The following UBE2F variants were observed in gnomAD, a reference collection of about 807,000 sequenced individuals.
The protein encoded by UBE2F is ubiquitin conjugating enzyme E2 F (putative).
Under a neutral mutation model 29.6 loss-of-function variants are expected in UBE2F, and 5 were observed. That is an observed-to-expected ratio of 0.17 (90% CI 0.09 to 0.36). The LOEUF (loss-of-function observed/expected upper bound fraction) is 0.36. UBE2F is among the 10% of genes least tolerant of loss of function. UBE2F has a pLI of 1.00. For missense variants in UBE2F, 141 were observed against 228.5 expected, an observed-to-expected ratio of 0.62 and a Z score of 2.47; for synonymous variants, 66 against 81.8, an observed-to-expected ratio of 0.81 and a Z score of 1.04.
At chr2:237,980,493 A>G (rs951531324) in intron 2 of UBE2F, among the ~76,000 whole-genome samples, 1 of 152,082 alleles carries the variant, frequency 6.6e-6, no homozygotes, top group Non-Finnish European at 1.5e-5. Context: ...AAATAACAGC[A>G]TGAATCCCAT....
chr2:238,016,740 A>G (rs914970543), intron 5 of UBE2F, 107 bp downstream of exon 5: 5 of 850,286 alleles, frequency 5.9e-6, no homozygotes, highest in African/African-American at 5.1e-5. Context: ...GCGTGTGTCC[A>G]TGTGTGACTG....
intron 2 of UBE2F, among the ~76,000 whole-genome samples, chr2:237,985,456 A>G (rs887704661): frequency 6.6e-6 from 1 of 151,870 alleles, no homozygotes; most frequent in Non-Finnish European, 1.5e-5. Context: ...ATCATGTAGT[A>G]TTTGTCTTTG....
chr2:238,015,742 T>C (rs1181338514), intron 4 of UBE2F, among the ~76,000 whole-genome samples: 1 of 152,222 alleles, frequency 6.6e-6, no homozygotes, highest in Non-Finnish European at 1.5e-5. Context: ...AATTTTAAAA[T>C]GGTGCTAATT....
chr2:237,994,674 C>G, intron 3 of UBE2F, 70 bp from the exon 4 acceptor site: 3 of 1,289,308 alleles, frequency 2.3e-6, no homozygotes, highest in South Asian at 2.4e-5. Context: ...TACACGTGTT[C>G]AAAGGTTAGC....
chr2:238,021,515 A>G (rs887509726), intron 5 of UBE2F, among the ~76,000 whole-genome samples: 5 of 152,236 alleles, frequency 3.3e-5, no homozygotes, highest in South Asian at 2.1e-4. Flanking sequence ...ATAGTCTGGT[A>G]ACTTGGGGCT....
chr2:237,992,571 T>C (rs2063611689), intron 3 of UBE2F, among the ~76,000 whole-genome samples: 1 of 152,212 alleles, frequency 6.6e-6, no homozygotes, highest in East Asian at 1.9e-4. Context: ...TCCTGTGTTA[T>C]TTGCTGCTTG....
rs2064075839 is a variant in UBE2F at position 238,013,075 on chromosome 2, G to C, written c.215-3491G>C. ...GCAGATCGCTTGTGGTCAGGAGTTT[G>C]AGACCAGCGTGGGCAGCATGGTGAG... On this transcript the variant is annotated intron_variant, in intron 4 of 9. Transcript: ENST00000272930. Among the ~76,000 whole-genome samples, 3 of 152,122 alleles carry C rather than the reference G, an allele frequency of 2.0e-5. No individual in the cohort carries two copies. In the South Asian group the frequency reaches 6.2e-4, roughly 32 times the overall value.
chr2:238,019,076 C>G (rs538007591), intron 5 of UBE2F, among the ~76,000 whole-genome samples: 1 of 152,244 alleles, frequency 6.6e-6, no homozygotes, highest in Admixed American at 6.5e-5. Flanking sequence ...TCCCCAGCCC[C>G]CCTCTCCCCT....
intron 6 of UBE2F, chr2:238,029,062 A>G (rs1454202684): frequency 1.3e-5 from 2 of 152,092 alleles, no homozygotes; most frequent in Non-Finnish European, 2.9e-5. Context: ...GGAAGTGAGC[A>G]CTGGAATGAT....
rs115512115 is a variant in UBE2F at position 238,033,932 on chromosome 2, G to A, written c.444+1678G>A. Reference sequence around the variant, plus strand: ...GTAATATTGAGCCTTGGCATCTCCAGATTTGATTGAGAGAGCCAAAGCTGT... The same window carrying A: ...GTAATATTGAGCCTTGGCATCTCCAAATTTGATTGAGAGAGCCAAAGCTGT... On this transcript the variant is annotated intron_variant, in intron 8 of 9. Transcript: ENST00000272930. 1.6e-3 allele frequency among the ~76,000 whole-genome samples: 243 copies of A among 152,304 alleles called. 1 individual carries two copies. Among genetic ancestry groups the A allele is most frequent in the Non-Finnish European group, 1.6e-3 (110 of 68,030 alleles).
chr2:238,016,486 C>T, intron 4 of UBE2F, 80 bp from the exon 5 acceptor site: 1 of 1,254,958 alleles, frequency 8.0e-7, no homozygotes. Flanking sequence ...TTTGCCATAT[C>T]CTAACAGAGT....
intron 2 of UBE2F, among the ~76,000 whole-genome samples, chr2:237,975,573 G>A (rs759633634): frequency 1.3e-5 from 2 of 152,214 alleles, no homozygotes; most frequent in Non-Finnish European, 2.9e-5. Flanking sequence ...ATGTAAATGT[G>A]CTGTGCTTGG....
At chr2:238,005,715 G>A (rs1044617098) in intron 4 of UBE2F, among the ~76,000 whole-genome samples, 1 of 151,668 alleles carries the variant, frequency 6.6e-6, no homozygotes, top group Admixed American at 6.6e-5. Context: ...ATGACTATAT[G>A]TGTGTGGGTG....
intron 5 of UBE2F, among the ~76,000 whole-genome samples, chr2:238,018,441 A>G (rs72977057): frequency 0.098 from 14,971 of 152,232 alleles, 1,051 homozygotes; most frequent in African/African-American, 0.2. Context: ...TGTTTTCACT[A>G]TAGGAAGAAA....
intron 5 of UBE2F, among the ~76,000 whole-genome samples, chr2:238,020,798 G>A (rs985082423): frequency 2.0e-5 from 3 of 152,196 alleles, no homozygotes. Context: ...GTGACATTTA[G>A]TGGGCTCCTA....
intron 4 of UBE2F, among the ~76,000 whole-genome samples, chr2:238,004,498 A>T (rs986706696): frequency 1.3e-5 from 2 of 151,876 alleles, no homozygotes; most frequent in African/African-American, 4.8e-5. Flanking sequence ...TTCCTAGTCT[A>T]TGGCTCGTCT....
At chr2:238,000,945 T>C (rs2063779813) in intron 4 of UBE2F, among the ~76,000 whole-genome samples, 1 of 152,196 alleles carries the variant, frequency 6.6e-6, no homozygotes, top group African/African-American at 2.4e-5. Flanking sequence ...GTATATCTTC[T>C]TTGTTCAAGT....
Position 237,973,163 on chromosome 2 carries a change from C to G in UBE2F, c.56C>G (p.Thr19Arg). ...GACGATGGTCTCAAAGGGTCCCGGA[C>G]GGCAGCCACAGCGTCCGACTCGACT... ...KRDDGLKGSR[T>R]AATASDSTRR... is the part of the protein sequence containing the mutation. Residue 19 changes from threonine to arginine, a missense_variant, in exon 2 of 10, where the codon ACG becomes AGG. Coordinates refer to ENST00000272930, the MANE Select transcript of UBE2F (RefSeq NM_080678.3). 2 of 1,614,012 alleles carry G rather than the reference C, an allele frequency of 1.2e-6. No homozygotes were observed.
In UBE2F at chr2:237,973,039, A is replaced by G. The variant is rs548984891; in HGVS notation, c.-16-53A>G. On this transcript the variant is annotated intron_variant, in intron 1 of 9. Coordinates refer to ENST00000272930, the MANE Select transcript of UBE2F (RefSeq NM_080678.3). ...CACTTATACATTTTTCTCAGTGTCT[A>G]ATTAGTCTCTGGAGACCTGGTCCTT... The G allele has an allele frequency of 2.9e-5, 44 of 1,533,600 alleles. No individual in the cohort carries two copies. The Middle Eastern group carries it at 7.0e-4, about 24-fold the overall frequency. The allele number at this position is 1,533,600 out of a possible 1,614,324, so 95.0% of individuals were successfully genotyped here.
Sources: allele counts gnomAD v4.1 joint callset (sites outside exome capture counted in the v4.1 genomes callset), GRCh38; gene constraint gnomAD v4.1.1; transcripts MANE v1.5; gene names NCBI Gene and HGNC (gene_info 2026-07-23, HGNC 2026-07-21).